Variants in ITGBL1 observed in about 807,000 individuals in gnomAD.
The protein encoded by ITGBL1 is integrin beta-like protein 1.
In ITGBL1, 51 loss-of-function variants were observed where a neutral mutation model predicts 68.5. That is an observed-to-expected ratio of 0.74 (90% CI 0.59 to 0.94). ITGBL1 has a LOEUF of 0.94. Among genes scored for constraint, ITGBL1 ranks in the 40% least tolerant of loss-of-function variants. The pLI, the probability that ITGBL1 is intolerant of heterozygous loss-of-function variation, is 0.00. For missense variants in ITGBL1, 649 were observed against 647.4 expected, an observed-to-expected ratio of 1.00 and a Z score of -0.03; for synonymous variants, 209 against 227.3, an observed-to-expected ratio of 0.92 and a Z score of 0.72.
At chr13:101,622,498 A>G (rs896543367) in intron 7 of ITGBL1, among the ~76,000 whole-genome samples, 3 of 152,158 alleles carry the variant, frequency 2.0e-5, no homozygotes, top group African/African-American at 7.2e-5. Flanking sequence ...TATTCCAGCT[A>G]AACCGGTGCG....
intron 2 of ITGBL1, among the ~76,000 whole-genome samples, chr13:101,514,185 A>T (rs903788565): frequency 2.0e-5 from 3 of 152,082 alleles, no homozygotes; most frequent in African/African-American, 7.2e-5. Context: ...CTTGCATTGT[A>T]TGAAGAAGTG....
downstream of ITGBL1, chr13:101,716,888 T>C (rs931720770): frequency 1.3e-5 from 2 of 152,102 alleles, no homozygotes; most frequent in African/African-American, 2.4e-5. Flanking sequence ...GGTGAAACTT[T>C]GCTTTGTATG....
At chr13:101,659,768 G>A (rs772847144) in intron 7 of ITGBL1, among the ~76,000 whole-genome samples, 4 of 152,084 alleles carry the variant, frequency 2.6e-5, no homozygotes, top group Non-Finnish European at 5.9e-5. Context: ...TCCTGGTGAG[G>A]TAATTTTTAA....
At chr13:101,572,795 G>A (rs1181677343) in intron 3 of ITGBL1, among the ~76,000 whole-genome samples, 2 of 152,032 alleles carry the variant, frequency 1.3e-5, no homozygotes, top group Non-Finnish European at 1.5e-5. Context: ...CATAGAATTT[G>A]GAGGCAGAGG....
At chr13:101,625,861 G>A (rs1397743980) in intron 7 of ITGBL1, among the ~76,000 whole-genome samples, 3 of 152,102 alleles carry the variant, frequency 2.0e-5, no homozygotes, top group African/African-American at 7.2e-5. Flanking sequence ...GCCAGTAATG[G>A]CTAATTTTAT....
At chr13:101,717,527 C>T (rs2034770828), downstream of ITGBL1, 1 of 152,136 alleles carries the variant, frequency 6.6e-6, no homozygotes, top group South Asian at 2.1e-4. Context: ...CGCTGATGCA[C>T]AGACATTGGA....
In ITGBL1 at chr13:101,632,147, CTCTA is replaced by C. The variant is rs1199262395; in HGVS notation, c.1015+33850_1015+33853del. 2.3e-3 allele frequency among the ~76,000 whole-genome samples: 329 copies of C among 141,012 alleles called. 2 individuals carry two copies. The highest frequency in any genetic ancestry group is 8.8e-3 in the African/African-American group (309 of 35,040). The allele number at this position is 141,012 out of a possible 152,430, so 92.5% of individuals were successfully genotyped here. On this transcript the variant is annotated intron_variant, in intron 7 of 10. Transcript: ENST00000376180. The stretch of plus-strand genomic sequence containing the variant: ...TAAAATATTCTCTCTCTCTCTCTCT[CTCTA>C]TATATATATATATCTGACAATAAGC...
intron 2 of ITGBL1, among the ~76,000 whole-genome samples, chr13:101,476,864 C>T (rs1039600640): frequency 6.6e-6 from 1 of 152,024 alleles, no homozygotes; most frequent in East Asian, 1.9e-4. Context: ...ATTATTAGAG[C>T]TAAAGTGAGA....
At chr13:101,469,370 T>A (rs1302282989) in intron 2 of ITGBL1, among the ~76,000 whole-genome samples, 1 of 152,176 alleles carries the variant, frequency 6.6e-6, no homozygotes, top group African/African-American at 2.4e-5. Context: ...CTTTCAATAT[T>A]TCAAATATCC....
chr13:101,610,126 A>G (rs2031053406), intron 7 of ITGBL1, among the ~76,000 whole-genome samples: 1 of 152,178 alleles, frequency 6.6e-6, no homozygotes, highest in Admixed American at 6.6e-5. Flanking sequence ...TACTATGATT[A>G]TATATTTATT....
At chr13:101,493,015 A>G (rs2048803141) in intron 2 of ITGBL1, among the ~76,000 whole-genome samples, 1 of 152,216 alleles carries the variant, frequency 6.6e-6, no homozygotes, top group South Asian at 2.1e-4. Context: ...TTAAGCATGT[A>G]GTAGATGTTG....
At chr13:101,671,427 T>G (rs1188557485) in intron 7 of ITGBL1, among the ~76,000 whole-genome samples, 1 of 73,446 alleles carries the variant, frequency 1.4e-5, no homozygotes, top group African/African-American at 3.7e-5. Flanking sequence ...TATACCTTTG[T>G]TTTTTTTTTG....
At position 101,546,291 on chromosome 13, in the gene ITGBL1, G is replaced by A. The variant is rs182181710; in HGVS notation, c.317-21408G>A. ...ACTCATGATTTTGGTTTTCATTGTC[G>A]AGGTGGTGGTTACATGGCTTTAATT... On this transcript the variant is annotated intron_variant, in intron 2 of 10. Transcript: ENST00000376180. 1.2e-4 allele frequency among the ~76,000 whole-genome samples: 19 copies of A among 152,224 alleles called. No homozygotes were observed. The East Asian group carries it at 3.1e-3, about 25-fold the overall frequency.
At position 101,602,572 on chromosome 13, in the gene ITGBL1, A is replaced by G. The variant is rs538179056; in HGVS notation, c.1015+4273A>G. On this transcript the variant is annotated intron_variant, in intron 7 of 10. Transcript: ENST00000376180. ...GTTGCGTTTTTCTTTTTTAAAAAAT[A>G]TATGTTAATAGAGATATAATTCACA... is the stretch of plus-strand genomic sequence containing the variant. Among the ~76,000 whole-genome samples the G allele has an allele frequency of 4.2e-3, 634 of 151,862 alleles. 2 individuals carry two copies. The highest frequency in any genetic ancestry group is 0.015 in the African/African-American group (613 of 41,318).
chr13:101,558,083 C>CAAAAAAAAAAAAAAAAA (rs568103738), intron 2 of ITGBL1, among the ~76,000 whole-genome samples: 1 of 71,710 alleles, frequency 1.4e-5, no homozygotes, highest in African/African-American at 6.8e-5. Flanking sequence ...AACTCCGTCT[C>CAAAAAAAAAAAAAAAAA]AAAAAAAAAA....
intron 7 of ITGBL1, among the ~76,000 whole-genome samples, chr13:101,668,230 A>G (rs752138096): frequency 3.3e-5 from 5 of 152,126 alleles, no homozygotes; most frequent in Non-Finnish European, 7.4e-5. Context: ...TCTACTAAAA[A>G]TACAAAAATT....
chr13:101,532,382 A>G (rs148646357), intron 2 of ITGBL1, among the ~76,000 whole-genome samples: 19 of 152,324 alleles, frequency 1.2e-4, no homozygotes, highest in South Asian at 4.1e-4. Flanking sequence ...TCTGCTTAAT[A>G]GATGCTTAAC....
chr13:101,464,861 C>T (rs981073406), intron 2 of ITGBL1, among the ~76,000 whole-genome samples: 3 of 152,146 alleles, frequency 2.0e-5, no homozygotes, highest in African/African-American at 7.2e-5. Context: ...CCACTACCTG[C>T]AGATCGAAGT....
At chr13:101,555,477 A>G (rs2049989487) in intron 2 of ITGBL1, among the ~76,000 whole-genome samples, 1 of 152,142 alleles carries the variant, frequency 6.6e-6, no homozygotes, top group Non-Finnish European at 1.5e-5. Context: ...AAGATGAAAA[A>G]CACAGAAAAA....
Sources: gnomAD v4.1 joint callset for allele counts (sites outside exome capture counted in the v4.1 genomes callset) on GRCh38, gnomAD v4.1.1 for gene constraint, MANE v1.5 for transcripts, NCBI Gene and HGNC (gene_info 2026-07-23, HGNC 2026-07-21) for gene names.